The following LRP1B variants were observed in gnomAD, a reference collection of about 807,000 sequenced individuals.
LRP1B encodes LDL receptor related protein 1B, also known as low-density lipoprotein receptor-related protein 1B.
In LRP1B, 217 loss-of-function variants were observed where a neutral mutation model predicts 556.6. The observed-to-expected ratio is 0.39, with a 90% CI of 0.35 to 0.44. The LOEUF (loss-of-function observed/expected upper bound fraction) is 0.44, where lower values mean the gene tolerates loss of function less well. Among genes scored for constraint, LRP1B ranks in the 20% least tolerant of loss-of-function variants. The pLI is 1.00. For missense variants in LRP1B, 5,053 were observed against 5,620.8 expected (o/e 0.90, Z 3.23); for synonymous variants, 2,047 against 1,865.8 (o/e 1.10, Z -2.50).
chr2:140,817,948 C>T (rs995185655), intron 31 of LRP1B, among the ~76,000 whole-genome samples: 1 of 152,192 alleles, frequency 6.6e-6, no homozygotes, highest in African/African-American at 2.4e-5. Context: ...CCCAGAGCCC[C>T]AGTCCACAAA....
chr2:141,974,796 GAC>G (rs1430760430), intron 1 of LRP1B, among the ~76,000 whole-genome samples: 1 of 152,010 alleles, frequency 6.6e-6, no homozygotes, highest in Non-Finnish European at 1.5e-5. Context: ...AATTTGAAAT[GAC>G]AGATATTAAG....
intron 11 of LRP1B, among the ~76,000 whole-genome samples, chr2:141,046,789 G>A (rs1211440623): frequency 6.6e-6 from 1 of 152,064 alleles, no homozygotes; most frequent in Non-Finnish European, 1.5e-5. Context: ...GTCCTTGAAA[G>A]TGTCTGTGTT....
chr2:140,701,842 T>C lies in LRP1B; in HGVS notation c.6306A>G (p.Ala2102=). 3.7e-6 allele frequency: 6 copies of C among 1,612,760 alleles called. No homozygotes were observed. Among genetic ancestry groups the C allele is most frequent in the Non-Finnish European group, 4.2e-6 (5 of 1,179,238 alleles). Residue 2102 remains alanine, a synonymous_variant, in exon 40 of 91, where the codon GCA becomes GCG. Transcript: ENST00000389484. ...CCCTTCTGACAGACCCGTTTGCATG[T>C]GCTCTGCCAAAAAGTTGAACATACA... ...FGAYIYWSDR[A]HANGSVRRGH...
At chr2:141,075,441 A>C in intron 7 of LRP1B, among the ~76,000 whole-genome samples, 1 of 152,208 alleles carries the variant, frequency 6.6e-6, no homozygotes, top group East Asian at 1.9e-4. Flanking sequence ...TCCATTTAAT[A>C]CAAAGAATGG....
At chr2:140,744,818 C>T (rs935901687) in intron 35 of LRP1B, among the ~76,000 whole-genome samples, 4 of 152,080 alleles carry the variant, frequency 2.6e-5, no homozygotes, top group African/African-American at 9.7e-5. Context: ...TTGTTTGTTA[C>T]CCAGCTTTTC....
At chr2:141,050,578 A>G (rs1002428253) in intron 10 of LRP1B, among the ~76,000 whole-genome samples, 57 of 152,062 alleles carry the variant, frequency 3.7e-4, no homozygotes, top group Non-Finnish European at 5.9e-5. Context: ...ACTCCAACTT[A>G]TGAGTGAAAA....
At chr2:140,305,506 T>C (rs1003442506) in intron 83 of LRP1B, among the ~76,000 whole-genome samples, 8 of 152,220 alleles carry the variant, frequency 5.3e-5, no homozygotes, top group African/African-American at 1.7e-4. Context: ...TGATTTTGTA[T>C]CCTGAGACTT....
At chr2:141,088,530 T>G (rs1700101366) in intron 7 of LRP1B, among the ~76,000 whole-genome samples, 1 of 152,140 alleles carries the variant, frequency 6.6e-6, no homozygotes, top group Non-Finnish European at 1.5e-5. Flanking sequence ...GCTAAAAATC[T>G]TTTGTGTGTT....
chr2:140,293,307 CTTGT>C (rs1437008156), intron 84 of LRP1B, among the ~76,000 whole-genome samples: 1 of 152,108 alleles, frequency 6.6e-6, no homozygotes, highest in African/African-American at 2.4e-5. Context: ...GTCATGCTCA[CTTGT>C]TTATTTTTAT....
At chr2:140,489,568 C>T (rs1267501566) in intron 57 of LRP1B, among the ~76,000 whole-genome samples, 1 of 152,054 alleles carries the variant, frequency 6.6e-6, no homozygotes. Flanking sequence ...CAAAGTAAGT[C>T]AAAGTTCTAA....
intron 81 of LRP1B, 41 bp downstream of exon 81, chr2:140,323,852 A>G: frequency 9.9e-7 from 1 of 1,008,412 alleles, no homozygotes; most frequent in East Asian, 2.5e-5. Context: ...ACAAGAAAAT[A>G]ATTTACCAAT....
chr2:140,389,733 G>A (rs1243269135), intron 66 of LRP1B, among the ~76,000 whole-genome samples: 1 of 146,776 alleles, frequency 6.8e-6, no homozygotes, highest in Non-Finnish European at 1.5e-5. Context: ...TTATATATAT[G>A]TATATATAGT....
intron 1 of LRP1B, among the ~76,000 whole-genome samples, chr2:141,845,045 A>G (rs1697597605): frequency 6.6e-6 from 1 of 151,630 alleles, no homozygotes; most frequent in African/African-American, 2.4e-5. Flanking sequence ...AATATATTTT[A>G]TCACCTGAAA....
rs184299367 is a variant in LRP1B at position 140,965,863 on chromosome 2, G to A, written c.2888-13923C>T. On this transcript the variant is annotated intron_variant, in intron 18 of 90. Transcript: ENST00000389484. ...AATGATGGTTTCTAGCTTCATCCAC[G>A]TCCCTACAAAGGACATGAACTCATC... Among the ~76,000 whole-genome samples the A allele has an allele frequency of 8.1e-5, 11 of 136,510 alleles. No individual in the cohort carries two copies. In the East Asian group the frequency reaches 1.5e-3, roughly 19 times the overall value. 89.6% of individuals were successfully genotyped at this position (136,510 alleles called of 152,430 possible). A position where few individuals can be genotyped will look rare whatever the true frequency, so the allele number is the denominator to read the frequency against.
chr2:140,773,777 A>T (rs1231192943), intron 33 of LRP1B, among the ~76,000 whole-genome samples: 2 of 151,950 alleles, frequency 1.3e-5, no homozygotes, highest in African/African-American at 4.8e-5. Flanking sequence ...AAAGTAAAAA[A>T]TAATGAAATG....
chr2:141,720,617 A>C (rs1692776956), intron 2 of LRP1B, among the ~76,000 whole-genome samples: 1 of 152,048 alleles, frequency 6.6e-6, no homozygotes, highest in Non-Finnish European at 1.5e-5. Context: ...TCACATGTAA[A>C]TAATAGTGTG....
intron 2 of LRP1B, among the ~76,000 whole-genome samples, chr2:141,700,984 A>T (rs1691922117): frequency 6.6e-6 from 1 of 151,694 alleles, no homozygotes; most frequent in Non-Finnish European, 1.5e-5. Flanking sequence ...ATATCTCCTC[A>T]AGTTTCTTCT....
At chr2:141,135,837 A>C (rs1701478609) in intron 7 of LRP1B, among the ~76,000 whole-genome samples, 1 of 151,830 alleles carries the variant, frequency 6.6e-6, no homozygotes, top group Non-Finnish European at 1.5e-5. Context: ...ACTTTCCCCC[A>C]CTGTCAGTTG....
chr2:141,304,235 G>A (rs1202638424), intron 3 of LRP1B, among the ~76,000 whole-genome samples: 1 of 151,934 alleles, frequency 6.6e-6, no homozygotes, highest in Admixed American at 6.6e-5. Context: ...TCTGATGATT[G>A]TTTCCTTTAC....
Sources: gnomAD v4.1 joint callset for allele counts (sites outside exome capture counted in the v4.1 genomes callset) on GRCh38, gnomAD v4.1.1 for gene constraint, MANE v1.5 for transcripts, NCBI Gene and HGNC (gene_info 2026-07-23, HGNC 2026-07-21) for gene names.